Variants in UGT1A3 observed in about 807,000 individuals in gnomAD.
UGT1A3 encodes UDP glucuronosyltransferase family 1 member A3.
A neutral mutation model predicts 41.0 loss-of-function variants in UGT1A3; 31 were observed. The ratio of observed to expected loss-of-function variants is 0.76; its 90% confidence interval spans 0.57 to 1.02. UGT1A3 has a LOEUF of 1.02. Ranked by LOEUF, UGT1A3 falls within the 50% of genes least tolerant of loss-of-function variation. The pLI is 0.00. For missense variants in UGT1A3, 737 were observed against 671.0 expected, an observed-to-expected ratio of 1.10 and a Z score of -1.09; for synonymous variants, 262 against 257.6, an observed-to-expected ratio of 1.02 and a Z score of -0.17.
rs566468987 is a variant in UGT1A3, at chr2:233,735,438, T to C, written c.867+5445T>C. ...TGAGATAGGCCTCCTGAATACAGCA[T>C]ACCGATGGGCCTTGACTCTTTATCC... On this transcript the variant is annotated intron_variant, in intron 1 of 4. Transcript: ENST00000482026. Among the ~76,000 whole-genome samples, 10 of 152,290 alleles carry C rather than the reference T, an allele frequency of 6.6e-5. No homozygotes were observed. The East Asian group carries it at 7.7e-4, about 12-fold the overall frequency.
rs531220267 is a variant in UGT1A3, at chr2:233,732,395, C to A, written c.867+2402C>A. On this transcript the variant is annotated intron_variant, in intron 1 of 4. Coordinates refer to ENST00000482026, the MANE Select transcript of UGT1A3 (RefSeq NM_019093.4). ...CTATGTCTTCTAGGCCATGCCTATGCCTAAATGATATTGCCTAGGTTTTCT... is the reference window on the plus strand; with the variant it reads ...CTATGTCTTCTAGGCCATGCCTATGACTAAATGATATTGCCTAGGTTTTCT... Among the ~76,000 whole-genome samples, 4 of 152,284 alleles carry A rather than the reference C, an allele frequency of 2.6e-5. No individual in the cohort carries two copies. The East Asian group carries it at 7.7e-4, about 29-fold the overall frequency.
intron 1 of UGT1A3, chr2:233,747,771 T>C (rs1693772366): frequency 2.5e-6 from 4 of 1,613,546 alleles, no homozygotes; most frequent in Non-Finnish European, 3.4e-6. Context: ...GGGCACACAG[T>C]GTCCAAATCC....
rs1338074257 is a variant in UGT1A3 at position 233,772,677 on chromosome 2, A to G, written c.*118A>G. On this transcript the variant is annotated 3_prime_UTR_variant, in exon 5 of 5. Transcript: ENST00000482026. ...ATTAAGGAAATACTTTGCATAAATTAATCAGCCCCAGAGTGCTTTAAAAAA... is the reference window on the plus strand; with the variant it reads ...ATTAAGGAAATACTTTGCATAAATTGATCAGCCCCAGAGTGCTTTAAAAAA... 14 of 1,531,978 alleles carry G rather than the reference A, an allele frequency of 9.1e-6. No homozygotes were observed. The highest frequency in any genetic ancestry group is 1.1e-5 in the Non-Finnish European group (13 of 1,142,190). 94.9% of individuals were successfully genotyped at this position (1,531,978 alleles called of 1,614,324 possible).
At chr2:233,761,164 G>C in intron 1 of UGT1A3, 2 of 1,614,240 alleles carry the variant, frequency 1.2e-6, no homozygotes, top group South Asian at 1.1e-5. Flanking sequence ...GTGTATTGGA[G>C]TGGGACTTTT....
Position 233,742,052 on chromosome 2 carries a change from GT to G in UGT1A3, c.867+12061del, listed in dbSNP as rs1691857314. On this transcript the variant is annotated intron_variant, in intron 1 of 4. Coordinates refer to ENST00000482026, the MANE Select transcript of UGT1A3 (RefSeq NM_019093.4). ...ATGTCCCAAGCATAGCAATAGGATA[GT>G]TCTGTGTGGCCTTATGGAGATCCTT... 2.0e-5 allele frequency: 3 copies of G among 151,942 alleles called. 1 individual carries two copies. Among genetic ancestry groups the G allele is most frequent in the African/African-American group, 7.3e-5 (3 of 41,170 alleles). The allele number at this position is 151,942 out of a possible 1,614,324, so 9.4% of individuals were successfully genotyped here.
intron 1 of UGT1A3, chr2:233,755,708 G>A (rs6747843): frequency 0.3 from 46,013 of 153,542 alleles, 7,045 homozygotes; most frequent in South Asian, 0.39. Context: ...AAGACATCCT[G>A]TTGTTTAGGA....
chr2:233,731,428 C>G (rs2078158900), intron 1 of UGT1A3, among the ~76,000 whole-genome samples: 1 of 152,060 alleles, frequency 6.6e-6, no homozygotes, highest in South Asian at 2.1e-4. Context: ...AATGCCATCC[C>G]TCCCCCAGTC....
chr2:233,735,046 T>C (rs895113176), intron 1 of UGT1A3, among the ~76,000 whole-genome samples: 2 of 152,242 alleles, frequency 1.3e-5, no homozygotes, highest in African/African-American at 4.8e-5. Flanking sequence ...GGTGCAGAGC[T>C]GAGTTCAGGT....
rs146704558 is a variant in UGT1A3 at position 233,766,504 on chromosome 2, T to C, written c.868-530T>C. On this transcript the variant is annotated intron_variant, in intron 1 of 4. Transcript: ENST00000482026. ...ATGGGGGCGTGGCAGGCCAGGGTGGTTTTGGGAAATGAAACATTTAGGCAG... is the reference window on the plus strand; with the variant it reads ...ATGGGGGCGTGGCAGGCCAGGGTGGCTTTGGGAAATGAAACATTTAGGCAG... Among the ~76,000 whole-genome samples the C allele has an allele frequency of 2.3e-3, 343 of 152,096 alleles. 3 individuals are homozygous for C. The highest frequency in any genetic ancestry group is 7.9e-3 in the African/African-American group (327 of 41,494).
chr2:233,765,595 AG>A (rs1698878767), intron 1 of UGT1A3, among the ~76,000 whole-genome samples: 1 of 152,004 alleles, frequency 6.6e-6, no homozygotes, highest in South Asian at 2.1e-4. Flanking sequence ...AACACACACC[AG>A]GGCTTGTGGC....
chr2:233,766,840 C>G (rs1430018242), intron 1 of UGT1A3, among the ~76,000 whole-genome samples, 194 bp from the exon 2 acceptor site: 6 of 152,184 alleles, frequency 3.9e-5, no homozygotes, highest in Admixed American at 2.0e-4. Flanking sequence ...AGCAGGAACC[C>G]TTCCTCCTTT....
intron 1 of UGT1A3, among the ~76,000 whole-genome samples, chr2:233,736,673 G>T (rs780660249): frequency 2.0e-4 from 30 of 152,198 alleles, no homozygotes; most frequent in Non-Finnish European, 3.5e-4. Context: ...TTAGGTCTTT[G>T]ATGTTGGTGA....
intron 1 of UGT1A3, chr2:233,753,711 A>G (rs577048191): frequency 6.6e-6 from 1 of 152,346 alleles, no homozygotes; most frequent in East Asian, 1.9e-4. Context: ...GGCTTTCATC[A>G]ACCTAATTTG....
chr2:233,744,908 A>T (rs1314296999), intron 1 of UGT1A3, among the ~76,000 whole-genome samples: 1 of 151,834 alleles, frequency 6.6e-6, no homozygotes, highest in African/African-American at 2.4e-5. Flanking sequence ...CAAAATCTAG[A>T]TGCTCAAGCT....
chr2:233,743,212 C>A, intron 1 of UGT1A3: 1 of 401,146 alleles, frequency 2.5e-6, no homozygotes, highest in Admixed American at 3.1e-5. Context: ...TGCGGAGTAA[C>A]TGCTCTTTGC....
In UGT1A3 at chr2:233,766,945, A is replaced by G. The variant is rs1284295869; in HGVS notation, c.868-89A>G. 3.1e-6 allele frequency: 5 copies of G among 1,597,954 alleles called. No homozygotes were observed. In the East Asian group the frequency reaches 1.1e-4, roughly 36 times the overall value. ...ACGCATGCCTTTAATCATAGTCTTA[A>G]GAGGAAGATATCTAATTCATAACTT... On this transcript the variant is annotated intron_variant, in intron 1 of 4. Coordinates refer to ENST00000482026, the MANE Select transcript of UGT1A3 (RefSeq NM_019093.4).
At chr2:233,747,502 C>A in intron 1 of UGT1A3, 1 of 1,608,242 alleles carries the variant, frequency 6.2e-7, no homozygotes, top group Non-Finnish European at 8.5e-7. Context: ...CTGGGCCACA[C>A]TCAACTGTAC....
chr2:233,745,507 G>T (rs1198591343), intron 1 of UGT1A3, among the ~76,000 whole-genome samples: 14 of 151,594 alleles, frequency 9.2e-5, no homozygotes, highest in Non-Finnish European at 2.9e-5. Context: ...TTCCTATAGG[G>T]TATTAGGTCT....
intron 1 of UGT1A3, among the ~76,000 whole-genome samples, chr2:233,730,806 G>A (rs374048907): frequency 3.9e-5 from 6 of 152,118 alleles, no homozygotes; most frequent in Admixed American, 6.5e-5. Context: ...ATGGACATGC[G>A]TCCAAGAAGG....
Sources: allele counts gnomAD v4.1 joint callset (sites outside exome capture counted in the v4.1 genomes callset), GRCh38; gene constraint gnomAD v4.1.1; transcripts MANE v1.5; gene names NCBI Gene and HGNC (gene_info 2026-07-23, HGNC 2026-07-21).